The following BUD13 variants were observed in gnomAD, a reference collection of about 807,000 sequenced individuals.
The protein encoded by BUD13 is BUD13 homolog.
Under a neutral mutation model 62.5 loss-of-function variants are expected in BUD13, and 47 were observed. That is an observed-to-expected ratio of 0.75 (90% CI 0.60 to 0.96). The LOEUF (loss-of-function observed/expected upper bound fraction) is 0.96, where lower values mean the gene tolerates loss of function less well. Among genes scored for constraint, BUD13 ranks in the 40% least tolerant of loss-of-function variants. The pLI is 0.00. For missense variants in BUD13, 821 were observed against 790.9 expected, an observed-to-expected ratio of 1.04 and a Z score of -0.46; for synonymous variants, 293 against 280.1, an observed-to-expected ratio of 1.05 and a Z score of -0.46.
chr11:116,759,246 C>A, intron 5 of BUD13, 67 bp from the exon 6 acceptor site: 1 of 1,064,250 alleles, frequency 9.4e-7, no homozygotes, highest in South Asian at 1.4e-5. Context: ...CATGGGTACA[C>A]AGTTAGTTGC....
chr11:116,755,318 CAA>C (rs967710364), intron 9 of BUD13, among the ~76,000 whole-genome samples: 57 of 152,300 alleles, frequency 3.7e-4, no homozygotes, highest in African/African-American at 1.3e-3. Context: ...GTGATGTTAA[CAA>C]AAGTGATTTT....
At chr11:116,753,897 C>T (rs1329275834) in intron 9 of BUD13, among the ~76,000 whole-genome samples, 1 of 152,122 alleles carries the variant, frequency 6.6e-6, no homozygotes, top group East Asian at 1.9e-4. Flanking sequence ...AGAATACAGG[C>T]GATCTAAGAT....
At chr11:116,761,196 T>C (rs139872819) in intron 4 of BUD13, among the ~76,000 whole-genome samples, 7,530 of 151,980 alleles carry the variant, frequency 0.05, 265 homozygotes, top group Admixed American at 0.1. Context: ...GAATTACAGG[T>C]GTGTGCCACC....
intron 1 of BUD13, 86 bp downstream of exon 1, chr11:116,772,736 G>C: frequency 7.1e-7 from 1 of 1,410,820 alleles, no homozygotes; most frequent in Admixed American, 2.9e-5. Flanking sequence ...CCCGCCAAGA[G>C]GGAAGGAACT....
intron 1 of BUD13, among the ~76,000 whole-genome samples, chr11:116,770,432 T>TA (rs1342219933): frequency 6.6e-6 from 1 of 152,218 alleles, no homozygotes; most frequent in Middle Eastern, 3.2e-3. Flanking sequence ...GCCAAGTTCC[T>TA]ATCACATCAG....
intron 2 of BUD13, among the ~76,000 whole-genome samples, chr11:116,768,160 G>A (rs191347475): frequency 2.2e-3 from 330 of 152,074 alleles, no homozygotes; most frequent in African/African-American, 7.2e-3. Context: ...TTCATTTTAT[G>A]GGAATAAAGA....
At chr11:116,772,540 T>C (rs1266905810) in intron 1 of BUD13, among the ~76,000 whole-genome samples, 1 of 152,130 alleles carries the variant, frequency 6.6e-6, no homozygotes, top group East Asian at 1.9e-4. Context: ...TCATTCTCTA[T>C]GGGAGAGGAC....
chr11:116,759,160 C>A lies in BUD13; in HGVS notation c.1274G>T (p.Gly425Val). The A allele has an allele frequency of 6.2e-7, 1 of 1,613,992 alleles. No homozygotes were observed. Among genetic ancestry groups the A allele is most frequent in the Non-Finnish European group, 8.5e-7 (1 of 1,179,946 alleles). The change falls in exon 6 of 10, where the codon GGG becomes GTG. Residue 425 changes from glycine to valine, a missense_variant. This residue lies in a region of BUD13 where 800 missense variants were observed against 739.2 expected (regional missense o/e 1.08). Coordinates refer to ENST00000260210, the MANE Select transcript of BUD13 (RefSeq NM_032725.4). ...AGTTAACACCAACCCAGTTTTAGCC[C>A]CAGAATACATGTGTGCAGCCTATGC... Reference protein sequence around the residue: ...PGKKAAHMYSGAKTGLVLTDI... With the variant: ...PGKKAAHMYSVAKTGLVLTDI...
intron 5 of BUD13, 119 bp downstream of exon 5, chr11:116,760,616 A>C: frequency 8.5e-7 from 1 of 1,181,602 alleles, no homozygotes; most frequent in Non-Finnish European, 1.2e-6. Flanking sequence ...CTTTTAACTA[A>C]GATTTACTAC....
intron 2 of BUD13, among the ~76,000 whole-genome samples, chr11:116,767,114 G>C (rs920533103): frequency 1.3e-4 from 19 of 151,570 alleles, no homozygotes; most frequent in African/African-American, 4.6e-4. Context: ...CTTGAACCTG[G>C]GAGGCAGAGG....
intron 2 of BUD13, among the ~76,000 whole-genome samples, chr11:116,769,128 T>G (rs953080825): frequency 2.0e-5 from 3 of 152,176 alleles, no homozygotes; most frequent in Non-Finnish European, 2.9e-5. Context: ...CTTTCCACTT[T>G]GTTTCTCAGA....
At chr11:116,770,029 C>T (rs1327198340) in intron 2 of BUD13, 100 bp downstream of exon 2, 8 of 886,150 alleles carry the variant, frequency 9.0e-6, no homozygotes, top group Non-Finnish European at 1.3e-5. Flanking sequence ...TGCACTCCAG[C>T]TTGGGTGACA....
At chr11:116,772,771 G>A (rs968528887) in intron 1 of BUD13, 51 bp downstream of exon 1, 3 of 1,463,862 alleles carry the variant, frequency 2.0e-6, no homozygotes, top group Non-Finnish European at 9.0e-7. Flanking sequence ...GGCGGAGTTG[G>A]GAAGGGGTGG....
intron 1 of BUD13, 88 bp downstream of exon 1, chr11:116,772,734 G>A: frequency 7.1e-7 from 1 of 1,405,216 alleles, no homozygotes; most frequent in Non-Finnish European, 9.3e-7. Context: ...GACCCGCCAA[G>A]AGGGAAGGAA....
chr11:116,748,633 A>C, intron 9 of BUD13, 58 bp from the exon 10 acceptor site: 3 of 1,492,726 alleles, frequency 2.0e-6, no homozygotes, highest in Non-Finnish European at 2.8e-6. Flanking sequence ...ATTTGTTTCA[A>C]AAGAAAGGGA....
intron 2 of BUD13, among the ~76,000 whole-genome samples, chr11:116,768,505 A>G (rs1940569347): frequency 6.6e-6 from 1 of 152,232 alleles, no homozygotes; most frequent in Non-Finnish European, 1.5e-5. Context: ...GTAACATGCA[A>G]GTGTTTATTC....
intron 9 of BUD13, among the ~76,000 whole-genome samples, chr11:116,754,640 T>C (rs557817938): frequency 2.4e-4 from 37 of 152,328 alleles, no homozygotes; most frequent in African/African-American, 8.2e-4. Flanking sequence ...ATTTAATAAA[T>C]GTGTTGTAAA....
At chr11:116,749,664 G>A (rs1940199647) in intron 9 of BUD13, among the ~76,000 whole-genome samples, 1 of 152,218 alleles carries the variant, frequency 6.6e-6, no homozygotes, top group Non-Finnish European at 1.5e-5. Context: ...GAAAGGCGCA[G>A]AGGCCAATGC....
rs1162117039 is a variant in BUD13, at chr11:116,763,115, G to A, written c.474C>T (p.Asp158=). The change falls in exon 4 of 10, where the codon GAC becomes GAT. Residue 158 remains aspartate, a synonymous_variant. Coordinates refer to ENST00000260210, the MANE Select transcript of BUD13 (RefSeq NM_032725.4). ...PDPSPRRARH[D]TPDPSPLRGA... ...CTCTGAGGGGAGAAGGATCCGGGGT[G>A]TCATGACGGGCCCTCCTAGGAGATG... The A allele has an allele frequency of 1.3e-6, 2 of 1,576,936 alleles. No individual in the cohort carries two copies. Among genetic ancestry groups the A allele is most frequent in the South Asian group, 1.1e-5 (1 of 87,756 alleles).
Sources: allele counts gnomAD v4.1 joint callset (sites outside exome capture counted in the v4.1 genomes callset), GRCh38; gene constraint gnomAD v4.1.1; regional missense constraint gnomAD v4.1.1; transcripts MANE v1.5; gene names NCBI Gene and HGNC (gene_info 2026-07-23, HGNC 2026-07-21).